Variants in EXOC3L2 observed in about 807,000 individuals in gnomAD.
EXOC3L2 encodes exocyst complex component 3-like protein 2.
EXOC3L2 carries 17 observed loss-of-function variants against 44.4 expected under a neutral mutation model. That is an observed-to-expected ratio of 0.38 (90% confidence interval 0.26 to 0.57). The LOEUF (loss-of-function observed/expected upper bound fraction) is 0.57, where lower values mean the gene tolerates loss of function less well. Among genes scored for constraint, EXOC3L2 ranks in the 20% least tolerant of loss-of-function variants. The pLI is 0.65. For synonymous variants in EXOC3L2, 256 were observed against 253.7 expected (o/e 1.01, Z -0.09); for missense variants, 541 against 588.4 (o/e 0.92, Z 0.83).
chr19:45,239,506 G>A (rs1184027480), intron 1 of EXOC3L2, among the ~76,000 whole-genome samples: 3 of 142,802 alleles, frequency 2.1e-5, no homozygotes, highest in Admixed American at 7.0e-5. Flanking sequence ...GTGAGCCACC[G>A]CGCCTTGCCT....
intron 7 of EXOC3L2, 111 bp downstream of exon 7, chr19:45,227,551 T>A: frequency 1.2e-6 from 1 of 834,710 alleles, no homozygotes; most frequent in Non-Finnish European, 1.9e-6. Flanking sequence ...TAAGGTCCCA[T>A]GCTCAGACTC....
chr19:45,216,029 C>G, intron 11 of EXOC3L2, 44 bp downstream of exon 11: 1 of 1,606,990 alleles, frequency 6.2e-7, no homozygotes. Context: ...GCCAGGAGAC[C>G]TCGGCCAGGC....
rs1407627509 is a variant in EXOC3L2 at position 45,216,202 on chromosome 19, G to A, written c.1999-8C>T. Reference sequence around the variant, plus strand: ...CCACGAGGCCTGGGACTCCTGCAGGGGAGGGAGGGTGCGGGGTCACACCCT... The same window carrying A: ...CCACGAGGCCTGGGACTCCTGCAGGAGAGGGAGGGTGCGGGGTCACACCCT... On this transcript the variant is annotated splice_region_variant and splice_polypyrimidine_tract_variant and intron_variant, in intron 10 of 11. Transcript: ENST00000413988. The A allele has an allele frequency of 6.2e-7, 1 of 1,613,478 alleles. No individual in the cohort carries two copies. Among genetic ancestry groups the A allele is most frequent in the Admixed American group, 1.7e-5 (1 of 59,988 alleles).
chr19:45,227,900 CCT>C, intron 6 of EXOC3L2, 72 bp downstream of exon 6: 4 of 1,534,514 alleles, frequency 2.6e-6, no homozygotes, highest in Non-Finnish European at 3.6e-6. Flanking sequence ...TCTCATCTCT[CCT>C]CTCTCTATTG....
At chr19:45,214,847 T>A (rs1969816723) in intron 11 of EXOC3L2, among the ~76,000 whole-genome samples, 2 of 152,036 alleles carry the variant, frequency 1.3e-5, no homozygotes, top group African/African-American at 4.8e-5. Context: ...GATATTTCAA[T>A]AGCTTTAATT....
At chr19:45,241,597 T>A (rs1176581024) in intron 1 of EXOC3L2, among the ~76,000 whole-genome samples, 1 of 152,096 alleles carries the variant, frequency 6.6e-6, no homozygotes, top group African/African-American at 2.4e-5. Flanking sequence ...ACAGCCTTCA[T>A]GCTCTGGCAG....
chr19:45,240,277 T>G (rs1333966984), intron 1 of EXOC3L2, among the ~76,000 whole-genome samples: 3 of 151,098 alleles, frequency 2.0e-5, no homozygotes, highest in Non-Finnish European at 4.4e-5. Flanking sequence ...CTTAATTAAT[T>G]AATTAATTTA....
intron 1 of EXOC3L2, among the ~76,000 whole-genome samples, chr19:45,241,106 G>A (rs1970127648): frequency 6.6e-6 from 1 of 151,954 alleles, no homozygotes; most frequent in East Asian, 1.9e-4. Context: ...TACCCCAAGC[G>A]GAACCCTTGC....
rs1599767617 is a variant in EXOC3L2 at position 45,234,975 on chromosome 19, G to A, written c.524-149C>T. On this transcript the variant is annotated intron_variant, in intron 2 of 11. Coordinates refer to ENST00000413988, the MANE Select transcript of EXOC3L2 (RefSeq NM_001382422.1). This position sits in a 1 kb window ranked among gnomAD's most constrained non-coding sequence, Gnocchi z 5.0. ...GTGTGGGGGCAGAGAAGAGCCCGGA[G>A]AAGAGCAAGAAAGAAGGATGTTGAG... 2.6e-5 allele frequency: 10 copies of A among 378,802 alleles called. No homozygotes were observed. Among genetic ancestry groups the A allele is most frequent in the Non-Finnish European group, 4.2e-5 (9 of 213,262 alleles). The allele number at this position is 378,802 out of a possible 1,614,324, so 23.5% of individuals were successfully genotyped here. A position where few individuals can be genotyped will look rare whatever the true frequency, so the allele number is the denominator to read the frequency against.
intron 8 of EXOC3L2, 37 bp from the exon 9 acceptor site, chr19:45,218,356 C>G (rs747948729): frequency 6.6e-7 from 1 of 1,506,422 alleles, no homozygotes; most frequent in African/African-American, 1.4e-5. Context: ...GCTCTCCTCC[C>G]TCCCACCCTC....
intron 1 of EXOC3L2, among the ~76,000 whole-genome samples, chr19:45,244,567 A>C (rs1471227723): frequency 6.6e-6 from 1 of 151,636 alleles, no homozygotes. Flanking sequence ...CCAGCCCCTG[A>C]CTCACTTCCG....
chr19:45,241,477 CAAAAA>C (rs554632176), intron 1 of EXOC3L2, among the ~76,000 whole-genome samples: 1 of 94,856 alleles, frequency 1.1e-5, no homozygotes, highest in Non-Finnish European at 2.0e-5. Context: ...GACTCCATCT[CAAAAA>C]AAAAAAAAAA....
chr19:45,226,975 G>C (rs1033084158), intron 7 of EXOC3L2, among the ~76,000 whole-genome samples: 1 of 140,570 alleles, frequency 7.1e-6, no homozygotes, highest in Non-Finnish European at 1.5e-5. Context: ...GGATGGTCTC[G>C]ATCTCCTGAC....
chr19:45,221,473 T>C lies in EXOC3L2; in HGVS notation c.1720-3154A>G, dbSNP rs1055361462. 2.0e-5 allele frequency among the ~76,000 whole-genome samples: 3 copies of C among 151,972 alleles called. No homozygotes were observed. The South Asian group carries it at 6.2e-4, about 32-fold the overall frequency. On this transcript the variant is annotated intron_variant, in intron 8 of 11. Coordinates refer to ENST00000413988, the MANE Select transcript of EXOC3L2 (RefSeq NM_001382422.1). Reference sequence around the variant, plus strand: ...CAAGTGATTCTCCTGCCTACTCTCCTGAGTAGCTGGGGCTACAGGCACGTG... The same window carrying C: ...CAAGTGATTCTCCTGCCTACTCTCCCGAGTAGCTGGGGCTACAGGCACGTG...
Position 45,234,468 on chromosome 19 carries a change from C to G in EXOC3L2, c.882G>C (p.Ala294=), listed in dbSNP as rs2122986110. Residue 294 remains alanine, a synonymous_variant, in exon 3 of 12, where the codon GCG becomes GCC. Transcript: ENST00000413988. The surrounding 1 kb of genome is among the most constrained non-coding windows in gnomAD (Gnocchi z 5.0). ...KLRARWAEAV[A]RAARERLEAA... is the part of the protein sequence containing the mutation. ...CCTCTAGGCGCTCCCGGGCCGCGCG[C>G]GCCACGGCTTCGGCCCAGCGTGCGC... 3.9e-6 allele frequency: 1 copy of G among 253,200 alleles called. No individual in the cohort carries two copies. The highest frequency in any genetic ancestry group is 5.6e-5 in the Admixed American group (1 of 18,004). 15.7% of individuals were successfully genotyped at this position (253,200 alleles called of 1,614,324 possible).
At chr19:45,235,004 A>AG (rs1224688373) in intron 2 of EXOC3L2, among the ~76,000 whole-genome samples, 178 bp from the exon 3 acceptor site, 1 of 152,056 alleles carries the variant, frequency 6.6e-6, no homozygotes, top group Non-Finnish European at 1.5e-5. Flanking sequence ...TGTTGAGTGA[A>AG]GGATGTAGGG....
intron 8 of EXOC3L2, among the ~76,000 whole-genome samples, chr19:45,220,215 C>T (rs1302665033): frequency 1.3e-5 from 2 of 151,912 alleles, no homozygotes; most frequent in Admixed American, 1.3e-4. Context: ...GGCACAGTGG[C>T]TCATGCCTGT....
chr19:45,239,248 C>T (rs1191745738), intron 1 of EXOC3L2, among the ~76,000 whole-genome samples, 187 bp from the exon 2 acceptor site: 4 of 139,774 alleles, frequency 2.9e-5, no homozygotes, highest in South Asian at 4.6e-4. Flanking sequence ...GACGGGGTCT[C>T]GCTCTGTCGC....
chr19:45,223,515 G>A (rs1969920785), intron 8 of EXOC3L2, among the ~76,000 whole-genome samples: 1 of 151,348 alleles, frequency 6.6e-6, no homozygotes, highest in South Asian at 2.1e-4. Flanking sequence ...GCTAATTTTT[G>A]TAATTTTAGT....
Sources: allele counts gnomAD v4.1 joint callset (sites outside exome capture counted in the v4.1 genomes callset), GRCh38; gene constraint gnomAD v4.1.1; non-coding constraint Gnocchi (gnomAD v3.1); transcripts MANE v1.5; gene names NCBI Gene and HGNC (gene_info 2026-07-23, HGNC 2026-07-21).